ALPL: variants seen among roughly 807,000 people sequenced by gnomAD.
ALPL encodes the protein alkaline phosphatase, biomineralization associated.
In ALPL, 42 loss-of-function variants were observed where a neutral mutation model predicts 51.3. The ratio of observed to expected loss-of-function variants is 0.82; its 90% confidence interval spans 0.64 to 1.06. The LOEUF (loss-of-function observed/expected upper bound fraction) is 1.06. ALPL is among the 50% of genes least tolerant of loss of function. ALPL has a pLI of 0.00. For missense variants in ALPL, 589 were observed against 709.4 expected, an observed-to-expected ratio of 0.83 and a Z score of 1.93; for synonymous variants, 279 against 296.4, an observed-to-expected ratio of 0.94 and a Z score of 0.60.
chr1:21,576,347 T>C (rs1644737081), intron 10 of ALPL, among the ~76,000 whole-genome samples, 175 bp from the exon 11 acceptor site: 1 of 151,588 alleles, frequency 6.6e-6, no homozygotes, highest in Non-Finnish European at 1.5e-5. Flanking sequence ...CAATGAAAAC[T>C]GGGGAATGGT....
chr1:21,526,946 T>C (rs1009500781), intron 1 of ALPL, among the ~76,000 whole-genome samples: 1 of 152,132 alleles, frequency 6.6e-6, no homozygotes, highest in Non-Finnish European at 1.5e-5. Flanking sequence ...GCCCCCATGA[T>C]GTCACATGAA....
intron 1 of ALPL, among the ~76,000 whole-genome samples, chr1:21,552,582 A>G (rs1260282319): frequency 6.6e-6 from 1 of 152,098 alleles, no homozygotes; most frequent in Non-Finnish European, 1.5e-5. Flanking sequence ...ATTAAAATAC[A>G]AAAATTTTTC....
At chr1:21,527,058 G>A (rs1263737851) in intron 1 of ALPL, among the ~76,000 whole-genome samples, 1 of 101,342 alleles carries the variant, frequency 9.9e-6, no homozygotes, top group African/African-American at 3.8e-5. Flanking sequence ...TTGAGATGGA[G>A]TTTCACTCTT....
At chr1:21,563,539 T>A (rs763042265) in intron 5 of ALPL, among the ~76,000 whole-genome samples, 4 of 152,036 alleles carry the variant, frequency 2.6e-5, no homozygotes, top group Non-Finnish European at 1.5e-5. Context: ...ATAAAACGGG[T>A]GGGAACGTAG....
chr1:21,557,086 T>A (rs1199622377), intron 2 of ALPL, among the ~76,000 whole-genome samples: 1 of 152,172 alleles, frequency 6.6e-6, no homozygotes, highest in African/African-American at 2.4e-5. Context: ...CCCCTTTTCT[T>A]CCTTTTTCAA....
chr1:21,542,374 CT>C (rs1239006150), intron 1 of ALPL, among the ~76,000 whole-genome samples: 2 of 152,184 alleles, frequency 1.3e-5, no homozygotes, highest in African/African-American at 4.8e-5. Context: ...ACTCAGTTCC[CT>C]ATGTGTGCCT....
intron 1 of ALPL, among the ~76,000 whole-genome samples, chr1:21,510,825 C>T (rs1332891957): frequency 6.6e-6 from 1 of 152,232 alleles, no homozygotes; most frequent in Non-Finnish European, 1.5e-5. Context: ...CCTGCCCCAG[C>T]CATCCCACTC....
chr1:21,530,901 C>T (rs1644019759), intron 1 of ALPL, among the ~76,000 whole-genome samples: 1 of 149,830 alleles, frequency 6.7e-6, no homozygotes, highest in Non-Finnish European at 1.5e-5. Context: ...CTGCCTCAGT[C>T]TCCTAAGTAG....
intron 1 of ALPL, among the ~76,000 whole-genome samples, chr1:21,515,022 AC>A (rs747433275): frequency 2.0e-5 from 3 of 150,900 alleles, no homozygotes; most frequent in Non-Finnish European, 4.4e-5. Flanking sequence ...TGAGGCCCTG[AC>A]CCTCCAGACT....
chr1:21,518,024 T>C (rs1026723924), intron 1 of ALPL, among the ~76,000 whole-genome samples: 2 of 151,996 alleles, frequency 1.3e-5, no homozygotes, highest in Admixed American at 1.3e-4. Flanking sequence ...TGGCACCCAG[T>C]TCAGTGTCAC....
chr1:21,573,720 C>T lies in ALPL; in HGVS notation c.918C>T (p.Asp306=), dbSNP rs373257447. The T allele has an allele frequency of 1.1e-5, 17 of 1,613,956 alleles. No individual in the cohort carries two copies. In the African/African-American group the frequency reaches 2.0e-4, roughly 19 times the overall value. ...QYELNRNNVT[D]PSLSEMVVVA... is the part of the protein sequence containing the mutation. ...AGCTGAACAGGAACAACGTGACGGA[C>T]CCGTCACTCTCCGAGATGGTGGTGG... The change falls in exon 9 of 12, where the codon GAC becomes GAT. Residue 306 remains aspartate, a synonymous_variant. Transcript: ENST00000374840.
At position 21,576,506 on chromosome 1, in the gene ALPL, C is replaced by T. The variant is rs376991460; in HGVS notation, c.1190-16C>T. On this transcript the variant is annotated splice_polypyrimidine_tract_variant and intron_variant, in intron 10 of 11. Transcript: ENST00000374840. ...GGGGCCCCAGCATGACCCCTGAACA[C>T]CCCCTCCCTGTGCAGGTCTGGCCCC... The T allele has an allele frequency of 6.2e-7, 1 of 1,613,216 alleles. No homozygotes were observed. Among genetic ancestry groups the T allele is most frequent in the East Asian group, 2.2e-5 (1 of 44,858 alleles).
chr1:21,551,073 A>G (rs1419589708), intron 1 of ALPL, among the ~76,000 whole-genome samples: 2 of 152,042 alleles, frequency 1.3e-5, no homozygotes, highest in Non-Finnish European at 2.9e-5. Flanking sequence ...GCCTGTCTGC[A>G]CTCCACCAAC....
chr1:21,553,442 C>T (rs1243305566), intron 1 of ALPL, among the ~76,000 whole-genome samples: 3 of 152,130 alleles, frequency 2.0e-5, no homozygotes, highest in Admixed American at 2.0e-4. Flanking sequence ...AAGGGGTGCA[C>T]TCTGTTTTGT....
intron 9 of ALPL, 60 bp downstream of exon 9, chr1:21,573,859 G>A (rs1644688686): frequency 6.2e-7 from 1 of 1,611,620 alleles, no homozygotes; most frequent in African/African-American, 1.3e-5. Flanking sequence ...GTGTCAGGAT[G>A]GAGAAGTCCA....
intron 1 of ALPL, among the ~76,000 whole-genome samples, chr1:21,545,103 A>C (rs1205615525): frequency 6.6e-6 from 1 of 152,194 alleles, no homozygotes; most frequent in Admixed American, 6.5e-5. Flanking sequence ...CAATGTCTCA[A>C]AATTTAAAAA....
chr1:21,554,231 C>T, intron 2 of ALPL, 89 bp downstream of exon 2: 1 of 1,338,762 alleles, frequency 7.5e-7, no homozygotes, highest in Non-Finnish European at 1.1e-6. Context: ...GTCCCAGAAC[C>T]ATCCAAAGTA....
intron 1 of ALPL, among the ~76,000 whole-genome samples, chr1:21,528,341 A>C (rs1394418667): frequency 3.1e-5 from 3 of 95,962 alleles, no homozygotes; most frequent in African/African-American, 4.2e-5. Flanking sequence ...TGACCTATTC[A>C]GTTTTTTTTT....
At chr1:21,511,667 G>A (rs1643689802) in intron 1 of ALPL, among the ~76,000 whole-genome samples, 1 of 152,194 alleles carries the variant, frequency 6.6e-6, no homozygotes, top group Non-Finnish European at 1.5e-5. Flanking sequence ...CCTAAACACA[G>A]CCTGGGCTGG....
Sources: gnomAD v4.1 joint callset for allele counts (sites outside exome capture counted in the v4.1 genomes callset) on GRCh38, gnomAD v4.1.1 for gene constraint, MANE v1.5 for transcripts, NCBI Gene and HGNC (gene_info 2026-07-23, HGNC 2026-07-21) for gene names.